The following FAM177A1 variants were observed in gnomAD, a reference collection of about 807,000 sequenced individuals.
FAM177A1 encodes protein FAM177A1.
A neutral mutation model predicts 26.1 loss-of-function variants in FAM177A1; 22 were observed. The observed-to-expected ratio is 0.84, with a 90% CI of 0.60 to 1.20. The LOEUF (loss-of-function observed/expected upper bound fraction) is 1.20. FAM177A1 is among the 50% of genes most tolerant of loss of function. The pLI is 0.00. For synonymous variants in FAM177A1, 95 were observed against 99.3 expected, an observed-to-expected ratio of 0.96 and a Z score of 0.26; for missense variants, 296 against 291.1, an observed-to-expected ratio of 1.02 and a Z score of -0.12.
At chr14:35,057,041 GTTCTCTAT>G in intron 2 of FAM177A1, among the ~76,000 whole-genome samples, 1 of 151,958 alleles carries the variant, frequency 6.6e-6, no homozygotes, top group East Asian at 1.9e-4. Flanking sequence ...TTGTTTTTCT[GTTCTCTAT>G]TAATTTCTGC....
chr14:35,075,291 G>A (rs1293500070), intron 2 of FAM177A1, among the ~76,000 whole-genome samples: 1 of 152,192 alleles, frequency 6.6e-6, no homozygotes, highest in Non-Finnish European at 1.5e-5. Flanking sequence ...CACTGAACTT[G>A]TCTTGGGTTC....
Position 35,081,250 on chromosome 14 carries a change from C to A in FAM177A1, c.*22C>A. On this transcript the variant is annotated 3_prime_UTR_variant, in exon 5 of 5. Coordinates refer to ENST00000280987, the MANE Select transcript of FAM177A1 (RefSeq NM_173607.5). ...ATAAAATGAAATGACTATCAAGCTT[C>A]AAACTCTTAAGTTTTTTTTTTTTAA... 6.3e-7 allele frequency: 1 copy of A among 1,575,226 alleles called. No homozygotes were observed. The highest frequency in any genetic ancestry group is 2.3e-5 in the East Asian group (1 of 44,426).
chr14:35,045,377 T>TA (rs2044845471), upstream of FAM177A1, among the ~76,000 whole-genome samples: 2 of 152,198 alleles, frequency 1.3e-5, no homozygotes, highest in Admixed American at 1.3e-4. Flanking sequence ...ACAATAACAT[T>TA]AGGCAGAGGG....
intron 2 of FAM177A1, among the ~76,000 whole-genome samples, chr14:35,073,910 TGATA>T (rs1388335053): frequency 1.3e-5 from 2 of 152,236 alleles, no homozygotes; most frequent in African/African-American, 4.8e-5. Flanking sequence ...AAACCTGTTC[TGATA>T]GATATCCTTT....
At chr14:35,063,469 T>C (rs1033978837) in intron 2 of FAM177A1, among the ~76,000 whole-genome samples, 3 of 151,370 alleles carry the variant, frequency 2.0e-5, no homozygotes, top group African/African-American at 7.3e-5. Flanking sequence ...TCCCAGCCGC[T>C]TGGGAGGCTG....
chr14:35,070,408 C>T (rs1290068194), intron 2 of FAM177A1, among the ~76,000 whole-genome samples: 3 of 151,888 alleles, frequency 2.0e-5, no homozygotes, highest in African/African-American at 7.3e-5. Context: ...CGCCTCGCTG[C>T]AACCTCAGCC....
intron 2 of FAM177A1, among the ~76,000 whole-genome samples, chr14:35,073,193 C>G (rs775493407): frequency 1.3e-5 from 2 of 152,164 alleles, no homozygotes; most frequent in Non-Finnish European, 2.9e-5. Context: ...GCCTCAGCCT[C>G]CCAAGTAGCT....
At chr14:35,055,071 G>A (rs2045038218) in intron 2 of FAM177A1, 1 of 152,096 alleles carries the variant, frequency 6.6e-6, no homozygotes, top group African/African-American at 2.4e-5. Flanking sequence ...GGAGGCCGAG[G>A]TGGGTGGATC....
At chr14:35,079,489 GAGTGA>G (rs568214614) in intron 4 of FAM177A1, among the ~76,000 whole-genome samples, 84 of 152,322 alleles carry the variant, frequency 5.5e-4, no homozygotes, top group African/African-American at 1.9e-3. Context: ...CTTAAGGTGA[GAGTGA>G]AGTGAATTTT....
intron 2 of FAM177A1, among the ~76,000 whole-genome samples, chr14:35,056,034 T>A (rs1207499661): frequency 6.6e-6 from 1 of 152,034 alleles, no homozygotes; most frequent in African/African-American, 2.4e-5. Context: ...ATTAGGTTAT[T>A]TATTTATTTT....
At chr14:35,045,729 G>A (rs552678561), upstream of FAM177A1, among the ~76,000 whole-genome samples, 1 of 152,206 alleles carries the variant, frequency 6.6e-6, no homozygotes, top group Admixed American at 6.5e-5. Context: ...AATCTGGGAC[G>A]CCCCCTCTAA....
chr14:35,074,321 TTTTTATTTA>T (rs1216661177), intron 2 of FAM177A1, among the ~76,000 whole-genome samples: 3 of 151,746 alleles, frequency 2.0e-5, no homozygotes, highest in African/African-American at 7.3e-5. Flanking sequence ...AATTTTTGTA[TTTTTATTTA>T]TTTTATTTAT....
chr14:35,053,140 G>A, intron 1 of FAM177A1, 138 bp from the exon 2 acceptor site: 1 of 706,842 alleles, frequency 1.4e-6, no homozygotes, highest in Non-Finnish European at 2.3e-6. Context: ...AATAGAGTGA[G>A]ACCATGTCTC....
intron 4 of FAM177A1, among the ~76,000 whole-genome samples, chr14:35,079,304 C>G (rs2045444234): frequency 6.6e-6 from 1 of 152,146 alleles, no homozygotes; most frequent in African/African-American, 2.4e-5. Flanking sequence ...TCACATGCCT[C>G]TCTTTGGATT....
chr14:35,070,839 G>A (rs1011576909), intron 2 of FAM177A1, among the ~76,000 whole-genome samples: 1 of 151,840 alleles, frequency 6.6e-6, no homozygotes, highest in African/African-American at 2.4e-5. Context: ...GGAAAAATAG[G>A]ATAGAGAAAA....
chr14:35,060,437 C>T (rs1234147180), intron 2 of FAM177A1, among the ~76,000 whole-genome samples: 2 of 151,996 alleles, frequency 1.3e-5, no homozygotes, highest in East Asian at 1.9e-4. Context: ...TTAAATCCAG[C>T]ATCTTGTCAG....
At position 35,056,436 on chromosome 14, in the gene FAM177A1, A is replaced by G. The variant is rs145259165; in HGVS notation, c.339+2985A>G. 6.5e-4 allele frequency among the ~76,000 whole-genome samples: 99 copies of G among 151,930 alleles called. 1 individual carries two copies. Among genetic ancestry groups the G allele is most frequent in the African/African-American group, 2.2e-3 (91 of 41,422 alleles). On this transcript the variant is annotated intron_variant, in intron 2 of 4. Coordinates refer to ENST00000280987, the MANE Select transcript of FAM177A1 (RefSeq NM_173607.5). ...GGTGGTATGATCTTGGCTTACTGCA[A>G]CCTCTGCCTCCTGGGTTCAAGCAAT...
At chr14:35,055,609 T>C (rs2045049693) in intron 2 of FAM177A1, among the ~76,000 whole-genome samples, 1 of 151,262 alleles carries the variant, frequency 6.6e-6, no homozygotes, top group African/African-American at 2.4e-5. Context: ...AATTTTTGTA[T>C]TTTTTTTAGT....
In FAM177A1 at chr14:35,082,544, C is replaced by T. The variant is rs1240900646; in HGVS notation, c.*1316C>T. On this transcript the variant is annotated 3_prime_UTR_variant, in exon 5 of 5. Transcript: ENST00000280987. ...AAAAAAGTATATATATATACACACA[C>T]ACAGACACACACACACACACATATA... The T allele has an allele frequency of 6.8e-6, 1 of 147,106 alleles. No homozygotes were observed. Among genetic ancestry groups the T allele is most frequent in the Non-Finnish European group, 1.5e-5 (1 of 66,442 alleles). 9.1% of individuals were successfully genotyped at this position (147,106 alleles called of 1,614,324 possible). A position where few individuals can be genotyped will look rare whatever the true frequency, so the allele number is the denominator to read the frequency against.
Sources: gnomAD v4.1 joint callset for allele counts (sites outside exome capture counted in the v4.1 genomes callset) on GRCh38, gnomAD v4.1.1 for gene constraint, MANE v1.5 for transcripts, NCBI Gene and HGNC (gene_info 2026-07-23, HGNC 2026-07-21) for gene names.